The following ITSN1 variants were observed in gnomAD, a reference collection of about 807,000 sequenced individuals.
The protein encoded by ITSN1 is intersectin-1.
Under a neutral mutation model 239.8 loss-of-function variants are expected in ITSN1, and 58 were observed. That is an observed-to-expected ratio of 0.24 (90% CI 0.20 to 0.30). The LOEUF (loss-of-function observed/expected upper bound fraction) is 0.30. ITSN1 is among the 10% of genes least tolerant of loss of function. ITSN1 has a pLI of 1.00. For synonymous variants in ITSN1, 780 were observed against 770.8 expected (o/e 1.01, Z -0.20); for missense variants, 1,558 against 2,103.3 (o/e 0.74, Z 5.07).
At chr21:33,683,955 T>C (rs2091105734) in intron 1 of ITSN1, among the ~76,000 whole-genome samples, 1 of 152,076 alleles carries the variant, frequency 6.6e-6, no homozygotes, top group Non-Finnish European at 1.5e-5. Flanking sequence ...CCGATGCCCC[T>C]AAGTAAAGCT....
Position 33,823,605 on chromosome 21 carries a change from C to T in ITSN1, c.3135C>T (p.Asp1045=). 6.2e-7 allele frequency: 1 copy of T among 1,614,180 alleles called. No homozygotes were observed. The highest frequency in any genetic ancestry group is 8.5e-7 in the Non-Finnish European group (1 of 1,180,024). ...ACTGGTGGACAGGAACAGTGGGCGA[C>T]AAGGCCGGAGTCTTCCCTTCTAACT... ...DGDWWTGTVG[D]KAGVFPSNYV... The change falls in exon 25 of 40, where the codon GAC becomes GAT. Residue 1045 remains aspartate (D), a synonymous_variant. Coordinates refer to ENST00000381318, the MANE Select transcript of ITSN1 (RefSeq NM_003024.3).
At chr21:33,880,980 C>T (rs1431368164) in intron 34 of ITSN1, among the ~76,000 whole-genome samples, 3 of 151,978 alleles carry the variant, frequency 2.0e-5, no homozygotes, top group Non-Finnish European at 4.4e-5. Context: ...CGCGTTTCAG[C>T]GCCCACCGTG....
intron 1 of ITSN1, among the ~76,000 whole-genome samples, chr21:33,670,769 C>G (rs937269084): frequency 6.6e-6 from 1 of 152,174 alleles, no homozygotes; most frequent in Non-Finnish European, 1.5e-5. Context: ...AGTGTTGTCT[C>G]AGCTACACTA....
At chr21:33,763,167 A>G (rs774805854) in intron 9 of ITSN1, among the ~76,000 whole-genome samples, 1 of 146,680 alleles carries the variant, frequency 6.8e-6, no homozygotes, top group Non-Finnish European at 1.5e-5. Context: ...CCTTTAATCT[A>G]TAAATTTCCC....
chr21:33,748,701 C>T (rs1252679035), intron 5 of ITSN1, among the ~76,000 whole-genome samples: 3 of 149,148 alleles, frequency 2.0e-5, no homozygotes, highest in East Asian at 1.9e-4. Context: ...AAAAAATACA[C>T]GTATATATAT....
intron 3 of ITSN1, among the ~76,000 whole-genome samples, chr21:33,721,659 G>A (rs914212253): frequency 2.0e-5 from 3 of 151,526 alleles, no homozygotes; most frequent in African/African-American, 2.4e-5. Context: ...GCTGGGTGTC[G>A]TGGTGGGCGC....
chr21:33,878,995 G>A (rs933688790), intron 34 of ITSN1, among the ~76,000 whole-genome samples: 1 of 152,202 alleles, frequency 6.6e-6, no homozygotes, highest in African/African-American at 2.4e-5. Flanking sequence ...GCAAGGGACA[G>A]TTGTACGGGG....
intron 16 of ITSN1, among the ~76,000 whole-genome samples, chr21:33,782,921 AG>A (rs371909096): frequency 0.01 from 1,554 of 152,212 alleles, 26 homozygotes; most frequent in African/African-American, 0.036. Flanking sequence ...GCTACTTGGG[AG>A]GCTGAGGCAG....
At chr21:33,751,251 G>A (rs981665056) in intron 6 of ITSN1, among the ~76,000 whole-genome samples, 3 of 152,176 alleles carry the variant, frequency 2.0e-5, no homozygotes, top group African/African-American at 7.2e-5. Flanking sequence ...CTATTCTTTT[G>A]TGACTAATGG....
At chr21:33,733,346 G>T (rs11911201) in intron 4 of ITSN1, among the ~76,000 whole-genome samples, 236 of 152,224 alleles carry the variant, frequency 1.6e-3, no homozygotes, top group African/African-American at 5.4e-3. Flanking sequence ...CCATGTAGAA[G>T]AAATGTGATT....
chr21:33,655,798 G>T (rs1017374722), intron 1 of ITSN1, among the ~76,000 whole-genome samples: 2 of 151,952 alleles, frequency 1.3e-5, no homozygotes, highest in Non-Finnish European at 2.9e-5. Context: ...TAGTTTACCT[G>T]GGGCTGGGCT....
At chr21:33,784,267 T>C (rs1439282736) in intron 16 of ITSN1, among the ~76,000 whole-genome samples, 1 of 149,402 alleles carries the variant, frequency 6.7e-6, no homozygotes, top group Admixed American at 6.8e-5. Flanking sequence ...AGTGGATCAT[T>C]CGAGACTAGC....
chr21:33,874,727 C>T (rs1321665971), intron 33 of ITSN1, among the ~76,000 whole-genome samples: 2 of 148,804 alleles, frequency 1.3e-5, no homozygotes, highest in African/African-American at 2.5e-5. Context: ...TGGCTCACTA[C>T]AACCTCTGCC....
chr21:33,645,068 ACC>A (rs527293654), intron 1 of ITSN1, among the ~76,000 whole-genome samples: 106 of 151,994 alleles, frequency 7.0e-4, no homozygotes, highest in African/African-American at 2.1e-3. Flanking sequence ...CGATTCTCCC[ACC>A]TAGGCAGCCT....
intron 31 of ITSN1, among the ~76,000 whole-genome samples, chr21:33,863,263 C>G (rs1478197174): frequency 6.6e-6 from 1 of 152,240 alleles, no homozygotes; most frequent in African/African-American, 2.4e-5. Context: ...TGTGGGTCTG[C>G]AGAACCCAGG....
intron 5 of ITSN1, among the ~76,000 whole-genome samples, chr21:33,736,939 C>T (rs2066539570): frequency 6.6e-6 from 1 of 152,220 alleles, no homozygotes; most frequent in Non-Finnish European, 1.5e-5. Flanking sequence ...GAGCCAAGAT[C>T]ACACTACTGC....
intron 12 of ITSN1, chr21:33,774,246 G>T (rs772754120): frequency 6.4e-6 from 1 of 156,346 alleles, no homozygotes; most frequent in East Asian, 1.9e-4. Context: ...AGCTTTTGTG[G>T]TAAAAAGGAA....
At chr21:33,736,258 T>A (rs2066495357) in intron 5 of ITSN1, among the ~76,000 whole-genome samples, 1 of 152,222 alleles carries the variant, frequency 6.6e-6, no homozygotes. Context: ...GGTGATAAAG[T>A]GAAATAGATT....
At chr21:33,825,660 G>A (rs2073936850) in intron 25 of ITSN1, among the ~76,000 whole-genome samples, 1 of 152,198 alleles carries the variant, frequency 6.6e-6, no homozygotes, top group South Asian at 2.1e-4. Context: ...TTTTTATGGA[G>A]TATAGGGAGT....
Sources: gnomAD v4.1 joint callset for allele counts (sites outside exome capture counted in the v4.1 genomes callset) on GRCh38, gnomAD v4.1.1 for gene constraint, MANE v1.5 for transcripts, NCBI Gene and HGNC (gene_info 2026-07-23, HGNC 2026-07-21) for gene names.